ARHGAP26: variants seen among roughly 807,000 people sequenced by gnomAD.
The protein encoded by ARHGAP26 is rho GTPase-activating protein 26.
A neutral mutation model predicts 104.8 loss-of-function variants in ARHGAP26; 38 were observed. The ratio of observed to expected loss-of-function variants is 0.36; its 90% CI spans 0.28 to 0.48. The LOEUF (loss-of-function observed/expected upper bound fraction) is 0.48, where lower values mean the gene tolerates loss of function less well. Ranked by LOEUF, ARHGAP26 falls within the 20% of genes least tolerant of loss-of-function variation. The pLI, the probability that ARHGAP26 is intolerant of heterozygous loss-of-function variation, is 0.99. For missense variants in ARHGAP26, 704 were observed against 947.9 expected (o/e 0.74, Z 3.38); for synonymous variants, 341 against 340.0 (o/e 1.00, Z -0.03).
intron 12 of ARHGAP26, among the ~76,000 whole-genome samples, chr5:143,024,437 C>G (rs1780754168): frequency 6.6e-6 from 1 of 152,150 alleles, no homozygotes; most frequent in South Asian, 2.1e-4. Context: ...GCAGCCTGAG[C>G]AGGTGTGAGC....
chr5:142,881,587 G>A (rs1757013772), intron 4 of ARHGAP26, among the ~76,000 whole-genome samples: 1 of 152,154 alleles, frequency 6.6e-6, no homozygotes, highest in South Asian at 2.1e-4. Context: ...AAGAAGAATT[G>A]TGATGACATT....
In ARHGAP26 at chr5:142,891,065, G is replaced by C. The variant is rs190367899; in HGVS notation, c.487-3173G>C. On this transcript the variant is annotated intron_variant, in intron 5 of 22. Transcript: ENST00000645722. ...GGCAGAGAGAAGCTTTGAGGTGTGTGGGGTGGTTGGGAGTAGATGCATCTC... is the reference window on the plus strand; with the variant it reads ...GGCAGAGAGAAGCTTTGAGGTGTGTCGGGTGGTTGGGAGTAGATGCATCTC... Among the ~76,000 whole-genome samples the C allele has an allele frequency of 2.6e-3, 401 of 152,052 alleles. 12 individuals carry two copies. The highest frequency in any genetic ancestry group is 9.1e-3 in the African/African-American group (378 of 41,336).
At chr5:142,788,003 T>C (rs1455538964) in intron 1 of ARHGAP26, among the ~76,000 whole-genome samples, 1 of 151,588 alleles carries the variant, frequency 6.6e-6, no homozygotes, top group Non-Finnish European at 1.5e-5. Context: ...TTCTTTTTTT[T>C]TTTTTTTTAA....
At chr5:142,991,461 C>T (rs1415310514) in intron 11 of ARHGAP26, among the ~76,000 whole-genome samples, 2 of 152,184 alleles carry the variant, frequency 1.3e-5, no homozygotes, top group Admixed American at 6.5e-5. Context: ...ATGGGCTGCA[C>T]CCACTGTCCA....
chr5:142,890,531 TG>T (rs1332708163), intron 5 of ARHGAP26, among the ~76,000 whole-genome samples: 1 of 151,836 alleles, frequency 6.6e-6, no homozygotes, highest in Non-Finnish European at 1.5e-5. Context: ...AAGGGGACCA[TG>T]AGACCATCTG....
chr5:143,009,817 C>T (rs1360436156), intron 11 of ARHGAP26, among the ~76,000 whole-genome samples: 1 of 152,132 alleles, frequency 6.6e-6, no homozygotes, highest in Non-Finnish European at 1.5e-5. Context: ...TTTTAGAGTA[C>T]TCAGATAGAG....
At position 142,907,817 on chromosome 5, in the gene ARHGAP26, T is replaced by A. The variant is rs766079044; in HGVS notation, c.933+13T>A. ...AGGAGGAAAAGGGGTGAGTTCATTT[T>A]TAAAATTTGATGTTTGATTTGCTTG... On this transcript the variant is annotated intron_variant, in intron 9 of 22. Coordinates refer to ENST00000645722, the MANE Select transcript of ARHGAP26 (RefSeq NM_001135608.3). 6.3e-7 allele frequency: 1 copy of A among 1,587,254 alleles called. No homozygotes were observed. Among genetic ancestry groups the A allele is most frequent in the South Asian group, 1.1e-5 (1 of 88,790 alleles).
At chr5:142,923,082 A>G (rs1763418372) in intron 10 of ARHGAP26, among the ~76,000 whole-genome samples, 2 of 117,474 alleles carry the variant, frequency 1.7e-5, no homozygotes, top group African/African-American at 4.5e-5. Flanking sequence ...TGAACTTGTC[A>G]TGGAGTTTTT....
At chr5:142,828,719 G>C (rs1361047713) in intron 1 of ARHGAP26, among the ~76,000 whole-genome samples, 1 of 152,188 alleles carries the variant, frequency 6.6e-6, no homozygotes, top group Non-Finnish European at 1.5e-5. Flanking sequence ...TTTGGCAAGG[G>C]CTTGTCATGT....
chr5:142,800,071 C>CT (rs1761756559), intron 1 of ARHGAP26, among the ~76,000 whole-genome samples: 1 of 152,188 alleles, frequency 6.6e-6, no homozygotes, highest in African/African-American at 2.4e-5. Flanking sequence ...AATGCAGGCT[C>CT]TGAGAGAGCC....
intron 18 of ARHGAP26, among the ~76,000 whole-genome samples, chr5:143,123,889 C>T (rs1042040544): frequency 6.6e-6 from 1 of 152,048 alleles, no homozygotes; most frequent in African/African-American, 2.4e-5. Context: ...GAACATAAAA[C>T]TTCATAGTAT....
intron 10 of ARHGAP26, chr5:142,922,099 TGTTG>T (rs1763271055): frequency 6.6e-6 from 1 of 152,214 alleles, no homozygotes; most frequent in Admixed American, 6.5e-5. Context: ...GATAACCTGT[TGTTG>T]ATACATGCTT....
At chr5:142,954,203 A>G (rs1215820278) in intron 11 of ARHGAP26, among the ~76,000 whole-genome samples, 1 of 152,174 alleles carries the variant, frequency 6.6e-6, no homozygotes, top group Non-Finnish European at 1.5e-5. Context: ...TTTCCATGAA[A>G]TATAAGAATG....
intron 11 of ARHGAP26, among the ~76,000 whole-genome samples, chr5:142,994,489 C>A (rs1367707130): frequency 6.6e-6 from 1 of 152,138 alleles, no homozygotes; most frequent in African/African-American, 2.4e-5. Context: ...GATTTCAGAG[C>A]TGTGGCCACA....
intron 11 of ARHGAP26, among the ~76,000 whole-genome samples, chr5:142,985,888 T>A (rs1774643523): frequency 6.6e-6 from 1 of 152,152 alleles, no homozygotes; most frequent in Non-Finnish European, 1.5e-5. Context: ...TGCCACATTT[T>A]TTAAATCCAG....
At chr5:142,899,590 G>C (rs1759987725) in intron 6 of ARHGAP26, among the ~76,000 whole-genome samples, 1 of 152,136 alleles carries the variant, frequency 6.6e-6, no homozygotes, top group African/African-American at 2.4e-5. Context: ...TAGTGTTTGG[G>C]TAGAAGCATT....
intron 11 of ARHGAP26, among the ~76,000 whole-genome samples, chr5:142,952,692 A>AT (rs1768585302): frequency 6.6e-6 from 1 of 152,024 alleles, no homozygotes; most frequent in Non-Finnish European, 1.5e-5. Context: ...TACTGTATAT[A>AT]TTTTTTAGCA....
intron 19 of ARHGAP26, among the ~76,000 whole-genome samples, chr5:143,145,332 A>G (rs577316114): frequency 6.6e-6 from 1 of 152,344 alleles, no homozygotes; most frequent in South Asian, 2.1e-4. Context: ...TTCTCAAACT[A>G]AAGTTAATAC....
intron 11 of ARHGAP26, among the ~76,000 whole-genome samples, chr5:142,967,010 A>G (rs538999848): frequency 6.6e-6 from 1 of 152,186 alleles, no homozygotes; most frequent in Non-Finnish European, 1.5e-5. Context: ...TGCATATTGT[A>G]CATATGTATA....
Sources: gnomAD v4.1 joint callset for allele counts (sites outside exome capture counted in the v4.1 genomes callset) on GRCh38, gnomAD v4.1.1 for gene constraint, MANE v1.5 for transcripts, NCBI Gene and HGNC (gene_info 2026-07-23, HGNC 2026-07-21) for gene names.